The following SEL1L2 variants were observed in gnomAD, a reference collection of about 807,000 sequenced individuals.
The protein encoded by SEL1L2 is SEL1L2 adaptor subunit of SYVN1 ubiquitin ligase.
In SEL1L2, 89 loss-of-function variants were observed where a neutral mutation model predicts 98.8. The ratio of observed to expected loss-of-function variants is 0.90; its 90% confidence interval spans 0.76 to 1.07. The LOEUF is 1.07. Ranked by LOEUF, SEL1L2 falls within the 50% of genes least tolerant of loss-of-function variation. The probability of loss-of-function intolerance (pLI) is 0.00; values close to 1 mark genes in which losing one functional copy is unlikely to be tolerated. For missense variants in SEL1L2, 788 were observed against 812.0 expected (o/e 0.97, Z 0.36); for synonymous variants, 262 against 278.5 (o/e 0.94, Z 0.59).
At position 13,883,326 on chromosome 20, in the gene SEL1L2, G is replaced by A. The variant is rs527466414; in HGVS notation, c.957+2021C>T. Among the ~76,000 whole-genome samples the A allele has an allele frequency of 9.6e-4, 146 of 152,310 alleles. No individual in the cohort carries two copies. In the Middle Eastern group the frequency reaches 0.014, roughly 14 times the overall value. On this transcript the variant is annotated intron_variant, in intron 10 of 19. Transcript: ENST00000284951. ...CTATCAGGAAGAGCTAAAGGAAACT[G>A]AGAGATCATGTCATTTCTTCTTCTT...
In SEL1L2 at chr20:13,887,863, C is replaced by CAG. The variant is rs775333088; in HGVS notation, c.664-15_664-14dup. 2 of 1,609,400 alleles carry CAG rather than the reference C, an allele frequency of 1.2e-6. No homozygotes were observed. The highest frequency in any genetic ancestry group is 4.5e-5 in the East Asian group (2 of 44,798). ...AATATCTGTACCCCTAAAACACAGA[C>CAG]AGATGCATTCTTAATATTCAAGACA... On this transcript the variant is annotated splice_polypyrimidine_tract_variant and intron_variant, in intron 7 of 19. Transcript: ENST00000284951.
Position 13,859,392 on chromosome 20 carries a change from T to C in SEL1L2, c.1688A>G (p.Tyr563Cys), listed in dbSNP as rs759841678. The C allele has an allele frequency of 1.9e-6, 3 of 1,614,042 alleles. No homozygotes were observed. In the African/African-American group the frequency reaches 4.0e-5, roughly 22 times the overall value. ...ATAGTCTTTCTTAGTCCCATAGCCATAGTAATGGTAATCTCCAATTTTTAC... is the reference window on the plus strand; with the variant it reads ...ATAGTCTTTCTTAGTCCCATAGCCACAGTAATGGTAATCTCCAATTTTTAC... ...ARVKIGDYHY[Y>C]GYGTKKDYQT... Residue 563 changes from tyrosine (Y) to cysteine (C), a missense_variant, in exon 18 of 20, where the codon TAT (tyrosine) becomes TGT (cysteine). Coordinates refer to ENST00000284951, the MANE Select transcript of SEL1L2 (RefSeq NM_025229.2).
intron 1 of SEL1L2, 85 bp from the exon 2 acceptor site, chr20:13,956,216 T>G (rs2050535858): frequency 2.9e-6 from 2 of 701,114 alleles, no homozygotes; most frequent in South Asian, 3.8e-5. Context: ...TTAAAAAAAC[T>G]TCTAGAAAAC....
chr20:13,877,503 C>T lies in SEL1L2; in HGVS notation c.1026+17G>A. 3 of 1,589,086 alleles carry T rather than the reference C, an allele frequency of 1.9e-6. No individual in the cohort carries two copies. Among genetic ancestry groups the T allele is most frequent in the Non-Finnish European group, 2.6e-6 (3 of 1,159,194 alleles). On this transcript the variant is annotated intron_variant, in intron 11 of 19. Coordinates refer to ENST00000284951, the MANE Select transcript of SEL1L2 (RefSeq NM_025229.2). The stretch of plus-strand genomic sequence containing the variant: ...TTTTTAATAAATGAAAACAATGAAT[C>T]AAGATGAAGCATGTACCTTTCCTAT...
At chr20:13,949,099 G>A (rs1265865192) in intron 2 of SEL1L2, among the ~76,000 whole-genome samples, 5 of 152,164 alleles carry the variant, frequency 3.3e-5, no homozygotes, top group Non-Finnish European at 7.3e-5. Context: ...TATCCACAGA[G>A]TGAAAAGACA....
chr20:13,854,676 CT>C (rs1568821917), intron 18 of SEL1L2, among the ~76,000 whole-genome samples: 7 of 152,020 alleles, frequency 4.6e-5, no homozygotes, highest in Admixed American at 4.6e-4. Context: ...GGAAATAGTC[CT>C]TGATAAATAT....
intron 15 of SEL1L2, among the ~76,000 whole-genome samples, chr20:13,865,784 C>T (rs1296007429): frequency 6.6e-6 from 1 of 151,888 alleles, no homozygotes; most frequent in Non-Finnish European, 1.5e-5. Flanking sequence ...ACTTTCCTGA[C>T]TTGGAGGCTA....
chr20:13,952,178 T>A lies in SEL1L2; in HGVS notation c.114+3898A>T, dbSNP rs193085077. Among the ~76,000 whole-genome samples the A allele has an allele frequency of 9.1e-4, 138 of 152,322 alleles. 1 individual carries two copies. The highest frequency in any genetic ancestry group is 4.3e-3 in the Admixed American group (66 of 15,300). On this transcript the variant is annotated intron_variant, in intron 2 of 19. Coordinates refer to ENST00000284951, the MANE Select transcript of SEL1L2 (RefSeq NM_025229.2). ...CCACACCTTCACCTCAGCATTTGGCTTCTGATAAGGAGTCCATGTACCCCT... is the reference window on the plus strand; with the variant it reads ...CCACACCTTCACCTCAGCATTTGGCATCTGATAAGGAGTCCATGTACCCCT...
chr20:13,959,836 T>C (rs113797292), intron 1 of SEL1L2, among the ~76,000 whole-genome samples: 2,367 of 152,358 alleles, frequency 0.016, 27 homozygotes, highest in Non-Finnish European at 0.027. Flanking sequence ...GTTATAATTA[T>C]TTTAAATTCA....
At chr20:13,893,506 C>A (rs780131882) in intron 5 of SEL1L2, among the ~76,000 whole-genome samples, 3 of 152,006 alleles carry the variant, frequency 2.0e-5, no homozygotes, top group Non-Finnish European at 2.9e-5. Flanking sequence ...AGCAAAGCAT[C>A]CAACCATATG....
chr20:13,956,077 T>C lies in SEL1L2; in HGVS notation c.113A>G (p.Gln38Arg), dbSNP rs1199863544. ...KRQKERNVTT[Q>R]VSVNEIKQYL... ...GTAAAGATTTAGCAAAATATTTACC[T>C]GTGTGGTGACATTTCTTTCCTTTTG... The change falls in exon 2 of 20, where the codon CAG (glutamine) becomes CGG (arginine). Residue 38 changes from glutamine to arginine, a missense_variant and splice_region_variant. By Grantham distance (43) the Gln-to-Arg change is conservative. Coordinates refer to ENST00000284951, the MANE Select transcript of SEL1L2 (RefSeq NM_025229.2). The C allele has an allele frequency of 6.4e-7, 1 of 1,553,134 alleles. No homozygotes were observed. Among genetic ancestry groups the C allele is most frequent in the Non-Finnish European group, 8.8e-7 (1 of 1,136,504 alleles).
At chr20:13,990,617 G>A, upstream of SEL1L2, 1 of 1,045,232 alleles carries the variant, frequency 9.6e-7, no homozygotes, top group Non-Finnish European at 1.5e-6. Context: ...CAGGGACTGT[G>A]GTGGGGGCAG....
At chr20:13,960,479 A>C (rs1327391886) in intron 1 of SEL1L2, among the ~76,000 whole-genome samples, 1 of 152,214 alleles carries the variant, frequency 6.6e-6, no homozygotes, top group Non-Finnish European at 1.5e-5. Flanking sequence ...GACAACAGCA[A>C]TTGTTCATTA....
chr20:13,882,340 GC>G (rs2046743264), intron 10 of SEL1L2, among the ~76,000 whole-genome samples: 1 of 152,160 alleles, frequency 6.6e-6, no homozygotes. Context: ...TTGCAGCTCT[GC>G]CCATTGAGAG....
intron 3 of SEL1L2, among the ~76,000 whole-genome samples, chr20:13,925,862 G>A (rs1191966407): frequency 6.6e-6 from 1 of 152,236 alleles, no homozygotes; most frequent in Non-Finnish European, 1.5e-5. Flanking sequence ...CATTTTGCTA[G>A]AATGAGAGAT....
chr20:13,964,081 G>A (rs2050912517), intron 1 of SEL1L2, among the ~76,000 whole-genome samples: 1 of 151,840 alleles, frequency 6.6e-6, no homozygotes, highest in Admixed American at 6.6e-5. Flanking sequence ...TCACCATGTT[G>A]GCCAGGCTGG....
intron 1 of SEL1L2, chr20:13,973,491 T>C (rs2051380650): frequency 6.6e-6 from 1 of 152,226 alleles, no homozygotes; most frequent in South Asian, 2.1e-4. Flanking sequence ...TTATCTCAGC[T>C]TTCTACCAGT....
chr20:13,988,903 C>T (rs2052392435), intron 1 of SEL1L2, among the ~76,000 whole-genome samples: 1 of 152,126 alleles, frequency 6.6e-6, no homozygotes, highest in Non-Finnish European at 1.5e-5. Flanking sequence ...AATTCAGTTA[C>T]TTGGGAGGCT....
intron 1 of SEL1L2, among the ~76,000 whole-genome samples, chr20:13,959,284 G>A (rs535663588): frequency 2.0e-4 from 31 of 152,272 alleles, no homozygotes; most frequent in African/African-American, 7.5e-4. Flanking sequence ...CAGCTCAGTG[G>A]TTGGACCAGG....
Sources: allele counts gnomAD v4.1 joint callset (sites outside exome capture counted in the v4.1 genomes callset), GRCh38; gene constraint gnomAD v4.1.1; transcripts MANE v1.5; gene names NCBI Gene and HGNC (gene_info 2026-07-23, HGNC 2026-07-21).